Variants in MCPH1 observed in about 807,000 individuals in gnomAD.
MCPH1 encodes the protein microcephalin.
MCPH1 carries 104 observed loss-of-function variants against 84.5 expected under a neutral mutation model. The observed-to-expected ratio is 1.23, with a 90% CI of 1.05 to 1.45. The LOEUF (loss-of-function observed/expected upper bound fraction) is 1.45. MCPH1 is among the 40% of genes most tolerant of loss of function. The probability of loss-of-function intolerance (pLI) is 0.00; values close to 1 mark genes in which losing one functional copy is unlikely to be tolerated. For synonymous variants in MCPH1, 514 were observed against 366.8 expected, an observed-to-expected ratio of 1.40 and a Z score of -4.58; for missense variants, 1,498 against 1,005.7, an observed-to-expected ratio of 1.49 and a Z score of -6.62.
chr8:6,411,580 C>A (rs986382347), intron 2 of MCPH1, among the ~76,000 whole-genome samples: 2 of 152,182 alleles, frequency 1.3e-5, no homozygotes, highest in African/African-American at 4.8e-5. Flanking sequence ...GAGAACAAAT[C>A]TTCTAATCTT....
At chr8:6,444,347 A>C (rs1354925359) in intron 7 of MCPH1, 46 bp from the exon 8 acceptor site, 8 of 1,611,176 alleles carry the variant, frequency 5.0e-6, no homozygotes, top group Non-Finnish European at 6.8e-6. Context: ...AATATAGAAT[A>C]ATTTAAACCA....
At chr8:6,570,310 C>T (rs1826549326) in intron 12 of MCPH1, among the ~76,000 whole-genome samples, 1 of 152,198 alleles carries the variant, frequency 6.6e-6, no homozygotes, top group Non-Finnish European at 1.5e-5. Flanking sequence ...AGTTAAGTGT[C>T]ATCCCCTTAG....
intron 12 of MCPH1, among the ~76,000 whole-genome samples, chr8:6,511,804 T>C (rs1216555397): frequency 6.6e-6 from 1 of 152,216 alleles, no homozygotes; most frequent in Non-Finnish European, 1.5e-5. Context: ...ACCATCTCAG[T>C]TTAAAATATT....
At chr8:6,483,685 C>T (rs531997764) in intron 11 of MCPH1, among the ~76,000 whole-genome samples, 1 of 152,250 alleles carries the variant, frequency 6.6e-6, no homozygotes, top group Admixed American at 6.5e-5. Flanking sequence ...CATGGTGAAA[C>T]CCCGTCTCTA....
intron 12 of MCPH1, among the ~76,000 whole-genome samples, chr8:6,588,431 G>A (rs781763709): frequency 2.0e-5 from 3 of 151,908 alleles, no homozygotes; most frequent in Non-Finnish European, 2.9e-5. Flanking sequence ...CTTTATGATT[G>A]CGAGGAATAT....
intron 9 of MCPH1, chr8:6,474,262 A>C: frequency 1.8e-6 from 1 of 566,310 alleles, no homozygotes; most frequent in Non-Finnish European, 3.2e-6. Flanking sequence ...AATCACCCAC[A>C]TTAATGTATT....
chr8:6,448,501 G>T (rs1210789343), intron 8 of MCPH1, among the ~76,000 whole-genome samples: 2 of 152,148 alleles, frequency 1.3e-5, no homozygotes, highest in Non-Finnish European at 2.9e-5. Flanking sequence ...TTGAACAGGG[G>T]AGCAACCAAA....
At position 6,414,748 on chromosome 8, in the gene MCPH1, C is replaced by T. The variant is rs1799019342; in HGVS notation, c.115-17C>T. The T allele has an allele frequency of 2.5e-6, 4 of 1,612,370 alleles. No individual in the cohort carries two copies. The highest frequency in any genetic ancestry group is 2.7e-5 in the African/African-American group (2 of 74,842). The stretch of plus-strand genomic sequence containing the variant: ...TGAACAGTAATGTACATTTTGTTTT[C>T]TGCATTTTGTCTACAGGTTTCAAAA... On this transcript the variant is annotated splice_polypyrimidine_tract_variant and intron_variant, in intron 2 of 13. Transcript: ENST00000344683.
chr8:6,481,010 C>T (rs1563267541), intron 11 of MCPH1, 134 bp downstream of exon 11: 1 of 1,097,126 alleles, frequency 9.1e-7, no homozygotes, highest in Non-Finnish European at 1.3e-6. Flanking sequence ...GAGCTGGGAA[C>T]ACCCGTCTTT....
chr8:6,415,351 G>C (rs1338960898), intron 3 of MCPH1, among the ~76,000 whole-genome samples: 1 of 149,370 alleles, frequency 6.7e-6, no homozygotes. Context: ...GCAGTAGCTG[G>C]ATCTTGGGTC....
At chr8:6,503,355 G>A (rs765296066) in intron 12 of MCPH1, 8 of 1,336,012 alleles carry the variant, frequency 6.0e-6, no homozygotes, top group Non-Finnish European at 8.4e-6. Context: ...GAGGCACACT[G>A]CAGGCGTGTG....
intron 13 of MCPH1, among the ~76,000 whole-genome samples, chr8:6,641,441 G>T (rs2129583928): frequency 6.6e-6 from 1 of 152,284 alleles, no homozygotes; most frequent in Non-Finnish European, 1.5e-5. Context: ...CATGGCAAAA[G>T]TTTGCATAAG....
chr8:6,445,502 A>T lies in MCPH1; in HGVS notation c.1780A>T (p.Thr594Ser). Reference protein sequence around the residue: ...PCFIVDCNMETSTEEKENLPG... With the variant: ...PCFIVDCNMESSTEEKENLPG... ...TTTTATAGTTGACTGTAACATGGAG[A>T]CGTCTACAGAAGAGAAGGAAAACTT... Residue 594 changes from threonine (T) to serine (S), a missense_variant, in exon 8 of 14, where the codon ACG becomes TCG. By Grantham distance (58) the Thr-to-Ser change is moderately conservative. Transcript: ENST00000344683. The T allele has an allele frequency of 6.2e-7, 1 of 1,612,250 alleles. No individual in the cohort carries two copies. The highest frequency in any genetic ancestry group is 8.5e-7 in the Non-Finnish European group (1 of 1,179,498).
At chr8:6,526,411 G>A (rs1404666386) in intron 12 of MCPH1, among the ~76,000 whole-genome samples, 1 of 151,608 alleles carries the variant, frequency 6.6e-6, no homozygotes, top group African/African-American at 2.4e-5. Context: ...TCCAGCCAGG[G>A]CAACCAGAGT....
intron 11 of MCPH1, among the ~76,000 whole-genome samples, chr8:6,491,696 A>G (rs950629220): frequency 1.8e-4 from 27 of 151,848 alleles, no homozygotes; most frequent in African/African-American, 6.1e-4. Context: ...TCATTGTTCA[A>G]TTCCCACCTA....
intron 12 of MCPH1, among the ~76,000 whole-genome samples, chr8:6,503,699 G>C (rs1480846356): frequency 6.6e-6 from 1 of 152,188 alleles, no homozygotes; most frequent in East Asian, 1.9e-4. Context: ...TTTTTCGGTT[G>C]AAGTTTAAAC....
In MCPH1 at chr8:6,520,478, C is replaced by G. The variant is rs562903205; in HGVS notation, c.2214+20549C>G. ...GTGACACATCTCAGCTTACCGCATC[C>G]TCCTCCTCCCAGGTTTAAGTGATTC... On this transcript the variant is annotated intron_variant, in intron 12 of 13. Transcript: ENST00000344683. Among the ~76,000 whole-genome samples the G allele has an allele frequency of 3.9e-5, 6 of 152,296 alleles. No homozygotes were observed. In the South Asian group the frequency reaches 1.2e-3, roughly 32 times the overall value.
intron 12 of MCPH1, among the ~76,000 whole-genome samples, chr8:6,597,751 C>A (rs983348897): frequency 6.6e-6 from 1 of 152,234 alleles, no homozygotes; most frequent in Non-Finnish European, 1.5e-5. Context: ...ATCCTCACAC[C>A]TCACTGCGCC....
chr8:6,453,178 ACCT>A (rs1361359922), intron 8 of MCPH1, among the ~76,000 whole-genome samples: 2 of 152,100 alleles, frequency 1.3e-5, no homozygotes, highest in Non-Finnish European at 2.9e-5. Context: ...TTGTTTACAG[ACCT>A]CCTGCCAAAA....
Sources: allele counts gnomAD v4.1 joint callset (sites outside exome capture counted in the v4.1 genomes callset), GRCh38; gene constraint gnomAD v4.1.1; transcripts MANE v1.5; gene names NCBI Gene and HGNC (gene_info 2026-07-23, HGNC 2026-07-21).